ZDHHC14: variants seen among roughly 807,000 people sequenced by gnomAD.
The protein encoded by ZDHHC14 is palmitoyltransferase ZDHHC14.
Under a neutral mutation model 47.7 loss-of-function variants are expected in ZDHHC14, and 16 were observed. That is an observed-to-expected ratio of 0.34 (90% confidence interval 0.23 to 0.51). ZDHHC14 has a LOEUF of 0.51. ZDHHC14 is among the 20% of genes least tolerant of loss of function. The pLI, the probability that ZDHHC14 is intolerant of heterozygous loss-of-function variation, is 0.97. For missense variants in ZDHHC14, 515 were observed against 662.5 expected, an observed-to-expected ratio of 0.78 and a Z score of 2.44; for synonymous variants, 293 against 278.9, an observed-to-expected ratio of 1.05 and a Z score of -0.50.
chr6:157,653,081 C>T (rs563493078), intron 7 of ZDHHC14, among the ~76,000 whole-genome samples: 13 of 152,326 alleles, frequency 8.5e-5, no homozygotes, highest in Middle Eastern at 3.4e-3. Flanking sequence ...GGCTGTGGCT[C>T]TGTTCCCACG....
Position 157,381,481 on chromosome 6 carries a change from G to A in ZDHHC14, c.-541G>A, listed in dbSNP as rs1777207882. On this transcript the variant is annotated 5_prime_UTR_variant, in exon 1 of 9. Transcript: ENST00000359775. ...GGGGTTGCCGGTGCCGCGCGCGGCC[G>A]CCCAGTCGCCAGCGCTCTCTCCTGG... 2.2e-5 allele frequency: 8 copies of A among 365,834 alleles called. No individual in the cohort carries two copies. Among genetic ancestry groups the A allele is most frequent in the South Asian group, 1.1e-4 (6 of 54,836 alleles). The allele number at this position is 365,834 out of a possible 1,614,324, so 22.7% of individuals were successfully genotyped here. A position where few individuals can be genotyped will look rare whatever the true frequency, so the allele number is the denominator to read the frequency against.
chr6:157,437,333 C>T (rs1489039364), intron 1 of ZDHHC14, among the ~76,000 whole-genome samples: 1 of 152,206 alleles, frequency 6.6e-6, no homozygotes, highest in South Asian at 2.1e-4. Flanking sequence ...AGGCCACTTT[C>T]CCTCCAGAGG....
chr6:157,642,720 A>C (rs1446574684), intron 5 of ZDHHC14, among the ~76,000 whole-genome samples: 2 of 152,224 alleles, frequency 1.3e-5, no homozygotes, highest in African/African-American at 4.8e-5. Flanking sequence ...CTCTTTCTAA[A>C]AAAAGACGGT....
At chr6:157,549,209 A>G (rs1053595393) in intron 2 of ZDHHC14, among the ~76,000 whole-genome samples, 4 of 152,136 alleles carry the variant, frequency 2.6e-5, no homozygotes, top group African/African-American at 9.7e-5. Flanking sequence ...CATGGACCAC[A>G]TCCTCTCTCC....
At chr6:157,625,604 G>A (rs1432861519) in intron 3 of ZDHHC14, among the ~76,000 whole-genome samples, 2 of 152,092 alleles carry the variant, frequency 1.3e-5, no homozygotes, top group Admixed American at 6.5e-5. Context: ...ACGCAGGCTC[G>A]AGGTGTAAGA....
intron 1 of ZDHHC14, among the ~76,000 whole-genome samples, chr6:157,485,564 T>C (rs1481381189): frequency 5.3e-5 from 8 of 152,224 alleles, no homozygotes; most frequent in African/African-American, 1.7e-4. Flanking sequence ...TTTTCCCACA[T>C]TGATTTTGCA....
intron 6 of ZDHHC14, among the ~76,000 whole-genome samples, chr6:157,646,628 AAAG>A (rs1195750958): frequency 6.6e-6 from 1 of 151,128 alleles, no homozygotes; most frequent in African/African-American, 2.4e-5. Context: ...AAAAAAAAAA[AAAG>A]AGGAAACAAA....
chr6:157,385,797 C>G (rs148095400), intron 1 of ZDHHC14, among the ~76,000 whole-genome samples: 3 of 152,194 alleles, frequency 2.0e-5, no homozygotes, highest in African/African-American at 7.2e-5. Context: ...TGCTGCTCCT[C>G]GTTCAAGTCT....
intron 3 of ZDHHC14, among the ~76,000 whole-genome samples, chr6:157,604,830 C>T (rs1784473379): frequency 6.6e-6 from 1 of 152,204 alleles, no homozygotes; most frequent in Non-Finnish European, 1.5e-5. Flanking sequence ...AGGTGTGAGC[C>T]ACCATGCCCA....
intron 2 of ZDHHC14, among the ~76,000 whole-genome samples, chr6:157,584,442 C>G (rs911988425): frequency 3.1e-4 from 47 of 152,186 alleles, no homozygotes; most frequent in African/African-American, 1.1e-3. Context: ...GGGATTTTTC[C>G]TTTTGCATTG....
chr6:157,631,501 G>A (rs866632028), intron 4 of ZDHHC14: 1 of 152,158 alleles, frequency 6.6e-6, no homozygotes, highest in African/African-American at 2.4e-5. Context: ...AGGGCACAGG[G>A]TTTCCACGGC....
intron 1 of ZDHHC14, among the ~76,000 whole-genome samples, chr6:157,531,501 G>C (rs1294552046): frequency 6.6e-6 from 1 of 151,278 alleles, no homozygotes; most frequent in African/African-American, 2.4e-5. Flanking sequence ...AACACCCCCC[G>C]CTCCGGCCCA....
At chr6:157,584,597 T>G (rs1363461051) in intron 2 of ZDHHC14, among the ~76,000 whole-genome samples, 5 of 152,180 alleles carry the variant, frequency 3.3e-5, no homozygotes, top group African/African-American at 1.2e-4. Flanking sequence ...AAAGATGACT[T>G]ACTTGAAGTC....
rs1383958873 is a variant in ZDHHC14, at chr6:157,502,081, C to G, written c.246-40504C>G. On this transcript the variant is annotated intron_variant, in intron 1 of 8. Transcript: ENST00000359775. This position sits in a 1 kb window ranked among gnomAD's most constrained non-coding sequence, Gnocchi z 4.0. Reference sequence around the variant, plus strand: ...ATCCACCCAACAGTCTTGAAGTGTTCTTCTTGCTGCAATTGAGAAGTTAAT... The same window carrying G: ...ATCCACCCAACAGTCTTGAAGTGTTGTTCTTGCTGCAATTGAGAAGTTAAT... Among the ~76,000 whole-genome samples the G allele has an allele frequency of 6.6e-6, 1 of 152,184 alleles. No individual in the cohort carries two copies.
chr6:157,657,683 C>T (rs761507759), intron 8 of ZDHHC14, among the ~76,000 whole-genome samples: 2 of 152,168 alleles, frequency 1.3e-5, no homozygotes, highest in African/African-American at 2.4e-5. Context: ...GAGTCATACG[C>T]GTATAAGCAC....
chr6:157,593,152 T>C lies in ZDHHC14; in HGVS notation c.565+6T>C. The C allele has an allele frequency of 6.2e-7, 1 of 1,608,218 alleles. No individual in the cohort carries two copies. The highest frequency in any genetic ancestry group is 2.2e-5 in the East Asian group (1 of 44,754). ...CCTTTGTGATAACTGCGTAGGTGAG[T>C]AGTGCCTGGGCGGAGCCTGGCGGGA... is the stretch of plus-strand genomic sequence containing the variant. On this transcript the variant is annotated splice_donor_region_variant and intron_variant, in intron 3 of 8. Coordinates refer to ENST00000359775, the MANE Select transcript of ZDHHC14 (RefSeq NM_024630.3).
In ZDHHC14 at chr6:157,550,267, A is replaced by G. The variant is rs545309779; in HGVS notation, c.406+7522A>G. 1.1e-4 allele frequency among the ~76,000 whole-genome samples: 16 copies of G among 152,312 alleles called. No homozygotes were observed. In the South Asian group the frequency reaches 3.3e-3, roughly 32 times the overall value. Reference sequence around the variant, plus strand: ...GCAGCATCACACAGACACTCTAGAGAGACCACAGCATCACAAGACACGCTA... The same window carrying G: ...GCAGCATCACACAGACACTCTAGAGGGACCACAGCATCACAAGACACGCTA... On this transcript the variant is annotated intron_variant, in intron 2 of 8. Coordinates refer to ENST00000359775, the MANE Select transcript of ZDHHC14 (RefSeq NM_024630.3).
At chr6:157,630,205 C>T (rs1785619905) in intron 4 of ZDHHC14, 1 of 152,218 alleles carries the variant, frequency 6.6e-6, no homozygotes, top group Non-Finnish European at 1.5e-5. Context: ...GTCTCAAACT[C>T]CTGACCTCAG....
intron 1 of ZDHHC14, among the ~76,000 whole-genome samples, chr6:157,449,273 C>T (rs529512797): frequency 4.4e-4 from 67 of 152,226 alleles, no homozygotes; most frequent in African/African-American, 1.2e-3. Context: ...TCCCACCAAA[C>T]ATAGGTTGAC....
Sources: allele counts gnomAD v4.1 joint callset (sites outside exome capture counted in the v4.1 genomes callset), GRCh38; gene constraint gnomAD v4.1.1; non-coding constraint Gnocchi (gnomAD v3.1); transcripts MANE v1.5; gene names NCBI Gene and HGNC (gene_info 2026-07-23, HGNC 2026-07-21).